The following CUBN variants were observed in gnomAD, a reference collection of about 807,000 sequenced individuals.
CUBN encodes the protein cubilin, also known as 460 kDa receptor.
A neutral mutation model predicts 405.3 loss-of-function variants in CUBN; 282 were observed. The ratio of observed to expected loss-of-function variants is 0.70; its 90% CI spans 0.63 to 0.77. The LOEUF (loss-of-function observed/expected upper bound fraction) is 0.77, where lower values mean the gene tolerates loss of function less well. CUBN is among the 30% of genes least tolerant of loss of function. The pLI is 0.00. For synonymous variants in CUBN, 1,684 were observed against 1,617.0 expected (o/e 1.04, Z -0.99); for missense variants, 4,514 against 4,475.2 (o/e 1.01, Z -0.25).
intron 54 of CUBN, among the ~76,000 whole-genome samples, chr10:16,892,053 A>G (rs996807737): frequency 4.6e-5 from 7 of 152,164 alleles, no homozygotes; most frequent in African/African-American, 1.4e-4. Context: ...TTCCTCACCC[A>G]CAGCAATAAA....
At chr10:17,085,241 C>T (rs2356823) in intron 16 of CUBN, among the ~76,000 whole-genome samples, 105,884 of 152,022 alleles carry the variant, frequency 0.7, 38,026 homozygotes, top group Middle Eastern at 0.89. Context: ...CTGGACTTGA[C>T]CCGAGGATAA....
At chr10:16,927,108 T>C (rs1842214303) in intron 41 of CUBN, among the ~76,000 whole-genome samples, 1 of 151,990 alleles carries the variant, frequency 6.6e-6, no homozygotes, top group Non-Finnish European at 1.5e-5. Flanking sequence ...TTATATATAT[T>C]ATATACATAT....
At chr10:16,983,817 G>T (rs1424836724) in intron 30 of CUBN, among the ~76,000 whole-genome samples, 1 of 152,338 alleles carries the variant, frequency 6.6e-6, no homozygotes, top group Non-Finnish European at 1.5e-5. Flanking sequence ...TATGGAGGCT[G>T]GTTAAGAGGT....
chr10:17,123,925 T>C (rs1837105201), intron 4 of CUBN, among the ~76,000 whole-genome samples: 1 of 152,112 alleles, frequency 6.6e-6, no homozygotes, highest in African/African-American at 2.4e-5. Context: ...TGACCACGGG[T>C]GGGATGAAGT....
At chr10:16,978,951 C>T (rs1053963803) in intron 31 of CUBN, among the ~76,000 whole-genome samples, 1 of 152,106 alleles carries the variant, frequency 6.6e-6, no homozygotes, top group African/African-American at 2.4e-5. Flanking sequence ...ATCGTCGCAG[C>T]CCAAAATCTT....
At chr10:17,023,008 C>A (rs187325495) in intron 27 of CUBN, among the ~76,000 whole-genome samples, 1 of 152,184 alleles carries the variant, frequency 6.6e-6, no homozygotes. Flanking sequence ...ATATTTCAAT[C>A]CTGCACAAGG....
intron 17 of CUBN, among the ~76,000 whole-genome samples, chr10:17,077,246 A>G (rs1835872868): frequency 6.6e-6 from 1 of 152,198 alleles, no homozygotes; most frequent in African/African-American, 2.4e-5. Flanking sequence ...TGTATTCCAA[A>G]TGGCTTCCAA....
intron 27 of CUBN, among the ~76,000 whole-genome samples, chr10:17,034,833 T>C (rs1462693930): frequency 6.6e-6 from 1 of 152,160 alleles, no homozygotes; most frequent in Non-Finnish European, 1.5e-5. Context: ...AGATGTCTTG[T>C]TCCCCCAAAA....
chr10:16,945,905 G>A (rs2131616839), intron 36 of CUBN, among the ~76,000 whole-genome samples: 1 of 152,174 alleles, frequency 6.6e-6, no homozygotes, highest in African/African-American at 2.4e-5. Flanking sequence ...GGCTCTGTCT[G>A]ATTGATGGAT....
chr10:16,871,910 C>A (rs76930145), intron 58 of CUBN, among the ~76,000 whole-genome samples: 21 of 151,990 alleles, frequency 1.4e-4, no homozygotes, highest in Non-Finnish European at 2.4e-4. Context: ...GCTCTTAGTG[C>A]GCAATAAATA....
intron 27 of CUBN, among the ~76,000 whole-genome samples, chr10:17,037,237 A>G (rs1834922109): frequency 6.6e-6 from 1 of 152,186 alleles, no homozygotes; most frequent in African/African-American, 2.4e-5. Flanking sequence ...ATTTTTATCA[A>G]TTATTTTTGA....
chr10:16,978,655 A>G (rs1833170089), intron 31 of CUBN, among the ~76,000 whole-genome samples: 1 of 152,232 alleles, frequency 6.6e-6, no homozygotes, highest in Non-Finnish European at 1.5e-5. Context: ...CTTGTGTAGG[A>G]AACTATCAGG....
chr10:17,016,774 C>T (rs554760861), intron 28 of CUBN, among the ~76,000 whole-genome samples: 1 of 151,962 alleles, frequency 6.6e-6, no homozygotes, highest in Non-Finnish European at 1.5e-5. Flanking sequence ...TAATAGGGAG[C>T]GGAGCTATAG....
intron 57 of CUBN, 27 bp downstream of exon 57, chr10:16,876,869 TC>T: frequency 6.3e-7 from 1 of 1,597,060 alleles, no homozygotes; most frequent in Non-Finnish European, 8.6e-7. Flanking sequence ...AGAAGAAAAT[TC>T]CAAACTCTGT....
intron 31 of CUBN, among the ~76,000 whole-genome samples, chr10:16,970,579 A>AC (rs1164075920): frequency 6.6e-6 from 1 of 151,500 alleles, no homozygotes; most frequent in Admixed American, 6.6e-5. Flanking sequence ...TCCATCTCAA[A>AC]AAAAAAAAAA....
At chr10:16,915,204 C>T (rs754048924) in intron 46 of CUBN, 32 bp from the exon 47 acceptor site, 1 of 1,612,510 alleles carries the variant, frequency 6.2e-7, no homozygotes, top group Non-Finnish European at 8.5e-7. Flanking sequence ...ATATACATGT[C>T]CAAGTGATTG....
At chr10:17,012,091 AG>A (rs1834201869) in intron 28 of CUBN, among the ~76,000 whole-genome samples, 2 of 152,128 alleles carry the variant, frequency 1.3e-5, no homozygotes, top group Admixed American at 6.6e-5. Flanking sequence ...GGGTCGGTCC[AG>A]GGGTCCTTGA....
chr10:16,849,754 C>G (rs1839627536), intron 60 of CUBN, among the ~76,000 whole-genome samples: 1 of 152,132 alleles, frequency 6.6e-6, no homozygotes, highest in Non-Finnish European at 1.5e-5. Flanking sequence ...ACCTTCTCAC[C>G]TAGGAGGGAC....
At position 16,900,620 on chromosome 10, in the gene CUBN, T is replaced by G. The variant is rs757254353; in HGVS notation, c.8410+5A>C. The G allele has an allele frequency of 3.1e-6, 5 of 1,604,474 alleles. No homozygotes were observed. In the South Asian group the frequency reaches 5.5e-5, roughly 18 times the overall value. ...AAAATCAAATGGAGCAAACATTTCT[T>G]TTACCTAAAGTTTGTGTGTTCCACG... On this transcript the variant is annotated splice_donor_5th_base_variant and intron_variant, in intron 53 of 66. Transcript: ENST00000377833.
Sources: allele counts gnomAD v4.1 joint callset (sites outside exome capture counted in the v4.1 genomes callset), GRCh38; gene constraint gnomAD v4.1.1; transcripts MANE v1.5; gene names NCBI Gene and HGNC (gene_info 2026-07-23, HGNC 2026-07-21).